OR7D2: variants seen among roughly 807,000 people sequenced by gnomAD.
The protein encoded by OR7D2 is olfactory receptor 7D2.
For missense variants in OR7D2, 370 were observed against 384.1 expected (o/e 0.96, Z 0.31); for synonymous variants, 158 against 158.7 (o/e 1.00, Z 0.03).
chr19:9,179,772 G>A (rs1007692940), intron 1 of OR7D2, among the ~76,000 whole-genome samples: 24 of 151,972 alleles, frequency 1.6e-4, no homozygotes, highest in African/African-American at 5.3e-4. Flanking sequence ...TTAGGAGGCC[G>A]AGGCGGGTGG....
Position 9,186,743 on chromosome 19 carries a change from A to G in OR7D2, c.*23A>G, listed in dbSNP as rs780425415. 2 of 1,520,170 alleles carry G rather than the reference A, an allele frequency of 1.3e-6. No homozygotes were observed. Among genetic ancestry groups the G allele is most frequent in the Non-Finnish European group, 1.8e-6 (2 of 1,127,364 alleles). The allele number at this position is 1,520,170 out of a possible 1,614,324, so 94.2% of individuals were successfully genotyped here. A position where few individuals can be genotyped will look rare whatever the true frequency, so the allele number is the denominator to read the frequency against. On this transcript the variant is annotated 3_prime_UTR_variant, in exon 3 of 3. Coordinates refer to ENST00000641288, the MANE Select transcript of OR7D2 (RefSeq NM_175883.4). ...TGATGGATCCCTTGGCCCCAGGACTAAGAAGTTTTGTGAGCACCAATGGCA... is the reference window on the plus strand; with the variant it reads ...TGATGGATCCCTTGGCCCCAGGACTGAGAAGTTTTGTGAGCACCAATGGCA...
At chr19:9,179,852 A>T (rs1026187239) in intron 1 of OR7D2, among the ~76,000 whole-genome samples, 2 of 151,962 alleles carry the variant, frequency 1.3e-5, no homozygotes, top group Non-Finnish European at 2.9e-5. Context: ...AAAAATACAA[A>T]ATTAGCCGGG....
Position 9,188,793 on chromosome 19 carries a change from A to G in OR7D2, c.*2073A>G, listed in dbSNP as rs1252923977. 6.0e-6 allele frequency: 1 copy of G among 167,040 alleles called. No individual in the cohort carries two copies. The highest frequency in any genetic ancestry group is 2.4e-5 in the African/African-American group (1 of 41,456). 10.3% of individuals were successfully genotyped at this position (167,040 alleles called of 1,614,324 possible). A position where few individuals can be genotyped will look rare whatever the true frequency, so the allele number is the denominator to read the frequency against. Reference sequence around the variant, plus strand: ...TATTTGTTTTCCTACTGGATGAAGTATGATTAAAATACGTATTTAAATATA... The same window carrying G: ...TATTTGTTTTCCTACTGGATGAAGTGTGATTAAAATACGTATTTAAATATA... On this transcript the variant is annotated 3_prime_UTR_variant, in exon 3 of 3. Coordinates refer to ENST00000641288, the MANE Select transcript of OR7D2 (RefSeq NM_175883.4).
chr19:9,179,314 C>T (rs775508286), intron 1 of OR7D2, among the ~76,000 whole-genome samples, 191 bp downstream of exon 1: 2 of 151,870 alleles, frequency 1.3e-5, no homozygotes, highest in African/African-American at 2.4e-5. Context: ...CTGAGGCAGG[C>T]GGATCGCTTG....
At position 9,186,214 on chromosome 19, in the gene OR7D2, G is replaced by C; in HGVS notation, c.433G>C (p.Val145Leu). ...GAACCCCCACCTCTGTGGCCTCCTG[G>C]TTTTTGTCACCTGGCTCATTGGTGT... Reference protein sequence around the residue: ...IMNPHLCGLLVFVTWLIGVMT... With the variant: ...IMNPHLCGLLLFVTWLIGVMT... The change falls in exon 3 of 3, where the codon GTT (valine) becomes CTT (leucine). Residue 145 changes from valine (V) to leucine (L), a missense_variant. Val to Leu is a conservative substitution (Grantham distance 32, BLOSUM62 1). Transcript: ENST00000641288. 2 of 1,614,074 alleles carry C rather than the reference G, an allele frequency of 1.2e-6. No homozygotes were observed. Among genetic ancestry groups the C allele is most frequent in the Non-Finnish European group, 1.7e-6 (2 of 1,180,012 alleles).
At chr19:9,183,955 C>CAAAAAAAAAA (rs755935536) in intron 2 of OR7D2, among the ~76,000 whole-genome samples, 9 of 19,494 alleles carry the variant, frequency 4.6e-4, no homozygotes, top group Admixed American at 2.0e-3. Flanking sequence ...GACTCCGTCT[C>CAAAAAAAAAA]AAAAAAAAAA....
chr19:9,183,977 A>G (rs2051010709), intron 2 of OR7D2, among the ~76,000 whole-genome samples: 1 of 144,640 alleles, frequency 6.9e-6, no homozygotes, highest in African/African-American at 2.5e-5. Context: ...AAAAAAAAAA[A>G]AAAAAAAAAA....
intron 2 of OR7D2, 58 bp from the exon 3 acceptor site, chr19:9,185,711 G>A (rs2051025193): frequency 8.5e-6 from 9 of 1,064,584 alleles, no homozygotes; most frequent in South Asian, 1.6e-5. Flanking sequence ...AGCCTCCCGA[G>A]TAGCTGGGAC....
At position 9,188,258 on chromosome 19, in the gene OR7D2, ATTC is replaced by A. The variant is rs1415720988; in HGVS notation, c.*1543_*1545del. The stretch of plus-strand genomic sequence containing the variant: ...AGGCACCTGCCACCCCACCCAGCTA[ATTC>A]TTCTATTTTTAGTAGAGACAGGGTT... On this transcript the variant is annotated 3_prime_UTR_variant, in exon 3 of 3. Coordinates refer to ENST00000641288, the MANE Select transcript of OR7D2 (RefSeq NM_175883.4). The A allele has an allele frequency of 3.3e-5, 5 of 152,080 alleles. No individual in the cohort carries two copies. Among genetic ancestry groups the A allele is most frequent in the Admixed American group, 2.6e-4 (4 of 15,246 alleles). The allele number at this position is 152,080 out of a possible 1,614,324, so 9.4% of individuals were successfully genotyped here.
At chr19:9,185,583 AT>A (rs1340920837) in intron 2 of OR7D2, 185 bp from the exon 3 acceptor site, 2 of 273,500 alleles carry the variant, frequency 7.3e-6, no homozygotes, top group African/African-American at 2.2e-5. Context: ...TTTTTATTTT[AT>A]TTTTTATTTT....
Position 9,185,826 on chromosome 19 carries a change from C to G in OR7D2, c.45C>G (p.Leu15=), listed in dbSNP as rs150414928. 1 of 1,604,868 alleles carries G rather than the reference C, an allele frequency of 6.2e-7. No homozygotes were observed. The highest frequency in any genetic ancestry group is 1.7e-5 in the Admixed American group (1 of 59,280). Residue 15 remains leucine, a synonymous_variant, in exon 3 of 3, where the codon CTC becomes CTG. Coordinates refer to ENST00000641288, the MANE Select transcript of OR7D2 (RefSeq NM_175883.4). ...CAGGATTTTTAGAGTTTATCCTTCT[C>G]GGACTCTCTGAGGATCCAGAACTAC... ...NQTGFLEFIL[L]GLSEDPELQP...
intron 1 of OR7D2, among the ~76,000 whole-genome samples, chr19:9,180,258 T>A (rs573742734): frequency 6.6e-6 from 1 of 151,866 alleles, no homozygotes; most frequent in Non-Finnish European, 1.5e-5. Flanking sequence ...TGCCTTGGCC[T>A]CCCAAGTAGC....
chr19:9,186,477 G>T lies in OR7D2; in HGVS notation c.696G>T (p.Gly232=), dbSNP rs1445099179. The change falls in exon 3 of 3, where the codon GGG becomes GGT. Residue 232 remains glycine (G), a synonymous_variant. Coordinates refer to ENST00000641288, the MANE Select transcript of OR7D2 (RefSeq NM_175883.4). The part of the protein sequence containing the change: ...ASSIRKMSSS[G]GKQKALSTCG... ...CCATAAGGAAGATGTCCTCATCTGG[G>T]GGAAAACAAAAAGCACTTTCCACCT... 2 of 1,613,686 alleles carry T rather than the reference G, an allele frequency of 1.2e-6. No homozygotes were observed. The highest frequency in any genetic ancestry group is 1.7e-6 in the Non-Finnish European group (2 of 1,179,948).
chr19:9,179,352 CA>C lies in OR7D2; in HGVS notation c.-105+231del, dbSNP rs758687213. The stretch of plus-strand genomic sequence containing the variant: ...GCCAGGAGTCTAAGACAAGCCTGGC[CA>C]ACTTGGTGAAACCCCATCTCATCTA... On this transcript the variant is annotated intron_variant, in intron 1 of 2. Transcript: ENST00000641288. Among the ~76,000 whole-genome samples the C allele has an allele frequency of 3.9e-5, 6 of 152,020 alleles. No individual in the cohort carries two copies. In the South Asian group the frequency reaches 8.3e-4, roughly 21 times the overall value.
chr19:9,183,001 G>T, intron 2 of OR7D2: 1 of 439,102 alleles, frequency 2.3e-6, no homozygotes, highest in Non-Finnish European at 4.5e-6. Context: ...TGACATACAC[G>T]GCATCAGGGC....
At chr19:9,183,033 T>C in intron 2 of OR7D2, 1 of 389,176 alleles carries the variant, frequency 2.6e-6, no homozygotes, top group Non-Finnish European at 5.2e-6. Flanking sequence ...CCGTAGGTTT[T>C]CTTCTCACCA....
At chr19:9,181,812 C>A (rs139028906) in intron 2 of OR7D2, among the ~76,000 whole-genome samples, 1 of 152,270 alleles carries the variant, frequency 6.6e-6, no homozygotes, top group Non-Finnish European at 1.5e-5. Context: ...TTGTGCCCCT[C>A]AAGCTCAGTT....
In OR7D2 at chr19:9,188,502, G is replaced by T. The variant is rs140457245; in HGVS notation, c.*1782G>T. 9.7e-3 allele frequency: 1,629 copies of T among 167,176 alleles called. 51 individuals are homozygous for T. The highest frequency in any genetic ancestry group is 1.5e-3 in the East Asian group (8 of 5,192). 10.4% of individuals were successfully genotyped at this position (167,176 alleles called of 1,614,324 possible). A position where few individuals can be genotyped will look rare whatever the true frequency, so the allele number is the denominator to read the frequency against. ...GAATAGTGCCGTGATAAACATGGGG[G>T]TGTAAGTTAACAATTAATCTCCAAG... On this transcript the variant is annotated 3_prime_UTR_variant, in exon 3 of 3. Coordinates refer to ENST00000641288, the MANE Select transcript of OR7D2 (RefSeq NM_175883.4).
chr19:9,187,422 T>C lies in OR7D2; in HGVS notation c.*702T>C, dbSNP rs1257888234. ...GATTTCATCCTTTTTTATGGCTGAG[T>C]AGTACTCCATTGTATATATCCTCGA... On this transcript the variant is annotated 3_prime_UTR_variant, in exon 3 of 3. Transcript: ENST00000641288. The C allele has an allele frequency of 6.0e-6, 1 of 165,658 alleles. No homozygotes were observed. The highest frequency in any genetic ancestry group is 1.9e-4 in the East Asian group (1 of 5,210). 10.3% of individuals were successfully genotyped at this position (165,658 alleles called of 1,614,324 possible).
Sources: allele counts gnomAD v4.1 joint callset (sites outside exome capture counted in the v4.1 genomes callset), GRCh38; gene constraint gnomAD v4.1.1; transcripts MANE v1.5; gene names NCBI Gene and HGNC (gene_info 2026-07-23, HGNC 2026-07-21).